DLG2: variants seen among roughly 807,000 people sequenced by gnomAD.
DLG2 encodes discs large MAGUK scaffold protein 2.
In DLG2, 45 loss-of-function variants were observed where a neutral mutation model predicts 132.5. That is an observed-to-expected ratio of 0.34 (90% CI 0.27 to 0.44). DLG2 has a LOEUF of 0.44. Among genes scored for constraint, DLG2 ranks in the 20% least tolerant of loss-of-function variants. The pLI, the probability that DLG2 is intolerant of heterozygous loss-of-function variation, is 1.00. For synonymous variants in DLG2, 424 were observed against 419.6 expected, an observed-to-expected ratio of 1.01 and a Z score of -0.13; for missense variants, 1,045 against 1,196.9, an observed-to-expected ratio of 0.87 and a Z score of 1.87.
At chr11:84,304,037 C>T (rs1047693130) in intron 7 of DLG2, among the ~76,000 whole-genome samples, 8 of 152,116 alleles carry the variant, frequency 5.3e-5, no homozygotes, top group African/African-American at 1.9e-4. Flanking sequence ...GTTAATGGCG[C>T]AGAAACATAT....
chr11:84,820,528 T>C (rs1371522016), intron 6 of DLG2, among the ~76,000 whole-genome samples: 1 of 151,836 alleles, frequency 6.6e-6, no homozygotes, highest in Non-Finnish European at 1.5e-5. Context: ...CACAATCTTT[T>C]CCTCCAAATT....
chr11:84,696,330 C>G (rs1436642471), intron 6 of DLG2, among the ~76,000 whole-genome samples: 1 of 151,242 alleles, frequency 6.6e-6, no homozygotes, highest in Non-Finnish European at 1.5e-5. Flanking sequence ...TTAAATATGC[C>G]CTATTATTCA....
intron 10 of DLG2, among the ~76,000 whole-genome samples, chr11:84,067,868 A>C (rs879930578): frequency 2.6e-4 from 39 of 152,240 alleles, no homozygotes; most frequent in African/African-American, 8.4e-4. Context: ...AAGGAAGAGG[A>C]ATGTTTTAGA....
At chr11:83,940,444 A>G (rs945018050) in intron 14 of DLG2, among the ~76,000 whole-genome samples, 1 of 152,174 alleles carries the variant, frequency 6.6e-6, no homozygotes, top group East Asian at 1.9e-4. Context: ...ACCCGATGTT[A>G]TTAATCCTCC....
In DLG2 at chr11:85,170,998, C is replaced by T. The variant is rs1160163048; in HGVS notation, c.187-16347G>A. On this transcript the variant is annotated intron_variant, in intron 4 of 27. Transcript: ENST00000376104. ...TTACAGGAAAATGTCAACAAATACA[C>T]GTAGAAGAAATGAGGCAATCAGAAA... Among the ~76,000 whole-genome samples the T allele has an allele frequency of 4.0e-5, 6 of 150,928 alleles. No homozygotes were observed. The East Asian group carries it at 5.8e-4, about 15-fold the overall frequency.
chr11:84,207,853 G>A (rs1441537237), intron 8 of DLG2, among the ~76,000 whole-genome samples: 7 of 152,050 alleles, frequency 4.6e-5, no homozygotes, highest in Admixed American at 3.3e-4. Flanking sequence ...CACGGTCTGG[G>A]ACAGAACTGC....
chr11:84,178,474 C>A (rs998489922), intron 8 of DLG2, among the ~76,000 whole-genome samples: 3 of 152,076 alleles, frequency 2.0e-5, no homozygotes, highest in Admixed American at 1.3e-4. Flanking sequence ...ATCAACATAT[C>A]CCTGCCTGAA....
At chr11:84,564,394 A>C (rs1192724313) in intron 6 of DLG2, among the ~76,000 whole-genome samples, 1 of 152,206 alleles carries the variant, frequency 6.6e-6, no homozygotes, top group Non-Finnish European at 1.5e-5. Context: ...GAGACACTAC[A>C]CATATCCCTG....
intron 7 of DLG2, chr11:84,273,352 C>CT: frequency 7.7e-7 from 1 of 1,300,046 alleles, no homozygotes; most frequent in Non-Finnish European, 9.7e-7. Context: ...GTTACATAAA[C>CT]TTCTTAATTA....
At chr11:84,172,375 C>G (rs1385522948) in intron 8 of DLG2, among the ~76,000 whole-genome samples, 1 of 152,038 alleles carries the variant, frequency 6.6e-6, no homozygotes, top group Non-Finnish European at 1.5e-5. Context: ...TCCTATTATT[C>G]ACCTGAATTT....
At chr11:84,913,353 A>G (rs1050096885) in intron 6 of DLG2, among the ~76,000 whole-genome samples, 1 of 152,080 alleles carries the variant, frequency 6.6e-6, no homozygotes, top group Non-Finnish European at 1.5e-5. Context: ...TGAAATTCAG[A>G]CTCACCATAT....
At chr11:84,934,332 T>C (rs2048431769) in intron 6 of DLG2, among the ~76,000 whole-genome samples, 1 of 151,910 alleles carries the variant, frequency 6.6e-6, no homozygotes, top group African/African-American at 2.4e-5. Context: ...CCTGAAGTTT[T>C]CTTTTTTTAA....
intron 18 of DLG2, among the ~76,000 whole-genome samples, chr11:83,668,293 C>A (rs1306186260): frequency 5.9e-5 from 9 of 152,080 alleles, no homozygotes; most frequent in Non-Finnish European, 1.3e-4. Flanking sequence ...AATCTATTTT[C>A]AATTCTTCCT....
intron 4 of DLG2, among the ~76,000 whole-genome samples, chr11:85,171,547 GA>G (rs2152494144): frequency 6.6e-6 from 1 of 152,320 alleles, no homozygotes; most frequent in South Asian, 2.1e-4. Flanking sequence ...GAATTCCAGT[GA>G]GGTGGGAGAT....
At chr11:85,480,693 A>G (rs1230481457) in intron 3 of DLG2, among the ~76,000 whole-genome samples, 2 of 152,228 alleles carry the variant, frequency 1.3e-5, no homozygotes, top group African/African-American at 4.8e-5. Flanking sequence ...TCCAAGAAAT[A>G]AGTACTCTTA....
At chr11:84,346,613 G>A (rs2098540316) in intron 7 of DLG2, among the ~76,000 whole-genome samples, 1 of 152,170 alleles carries the variant, frequency 6.6e-6, no homozygotes, top group African/African-American at 2.4e-5. Flanking sequence ...GAGTCTTGCT[G>A]TGTCGGCAGG....
chr11:83,728,675 A>C (rs1452783119), intron 18 of DLG2, among the ~76,000 whole-genome samples: 1 of 152,206 alleles, frequency 6.6e-6, no homozygotes, highest in Non-Finnish European at 1.5e-5. Context: ...CAAATCCCGG[A>C]CACATCTAAG....
chr11:85,370,943 A>G (rs1036606456), intron 3 of DLG2, among the ~76,000 whole-genome samples: 4 of 152,204 alleles, frequency 2.6e-5, no homozygotes, highest in African/African-American at 9.6e-5. Context: ...AGTATATGCT[A>G]CCAATCACAA....
chr11:83,738,806 C>T (rs2092244626), intron 18 of DLG2, among the ~76,000 whole-genome samples: 1 of 152,138 alleles, frequency 6.6e-6, no homozygotes, highest in African/African-American at 2.4e-5. Context: ...GATGATGGGT[C>T]CTTGTTGTCT....
Sources: gnomAD v4.1 joint callset for allele counts (sites outside exome capture counted in the v4.1 genomes callset) on GRCh38, gnomAD v4.1.1 for gene constraint, MANE v1.5 for transcripts, NCBI Gene and HGNC (gene_info 2026-07-23, HGNC 2026-07-21) for gene names.